Variants in AP2A2 observed in about 807,000 individuals in gnomAD.
AP2A2 encodes the protein adaptor related protein complex 2 subunit alpha 2, also known as AP-2 complex subunit alpha-2.
In AP2A2, 32 loss-of-function variants were observed where a neutral mutation model predicts 104.2. The observed-to-expected ratio is 0.31, with a 90% CI of 0.23 to 0.41. The LOEUF is 0.41. Ranked by LOEUF, AP2A2 falls within the 10% of genes least tolerant of loss-of-function variation. AP2A2 has a pLI of 1.00. For missense variants in AP2A2, 912 were observed against 1,261.0 expected (o/e 0.72, Z 4.19); for synonymous variants, 539 against 533.3 (o/e 1.01, Z -0.15).
At chr11:970,418 G>A (rs991544882) in intron 3 of AP2A2, 107 bp downstream of exon 3, 28 of 1,415,398 alleles carry the variant, frequency 2.0e-5, no homozygotes, top group African/African-American at 2.9e-5. Flanking sequence ...CACAGCTGAC[G>A]TGAGCCACGT....
At chr11:964,075 T>G (rs1854533065) in intron 2 of AP2A2, among the ~76,000 whole-genome samples, 1 of 152,196 alleles carries the variant, frequency 6.6e-6, no homozygotes, top group South Asian at 2.1e-4. Flanking sequence ...AGTCAAAGAC[T>G]GGAGACCCCC....
intron 1 of AP2A2, among the ~76,000 whole-genome samples, chr11:954,828 G>A (rs1261158240): frequency 6.6e-6 from 1 of 152,192 alleles, no homozygotes; most frequent in East Asian, 1.9e-4. Context: ...TCCCACAGAG[G>A]AGGGGGGTTA....
intron 1 of AP2A2, among the ~76,000 whole-genome samples, chr11:926,571 C>G (rs1853128139): frequency 6.6e-6 from 1 of 152,166 alleles, no homozygotes; most frequent in African/African-American, 2.4e-5. Flanking sequence ...AGCGTTTAAC[C>G]CAGCGTTTTC....
At chr11:1,004,347 C>T (rs1044786166) in intron 16 of AP2A2, among the ~76,000 whole-genome samples, 2 of 152,110 alleles carry the variant, frequency 1.3e-5, no homozygotes, top group African/African-American at 4.8e-5. Flanking sequence ...GTGGTGTGTG[C>T]CTGTGGTCCC....
At chr11:953,882 T>C (rs1346672454) in intron 1 of AP2A2, among the ~76,000 whole-genome samples, 2 of 151,228 alleles carry the variant, frequency 1.3e-5, no homozygotes, top group African/African-American at 2.4e-5. Flanking sequence ...TTGCCCAGGC[T>C]GTAGTGCAAT....
intron 1 of AP2A2, among the ~76,000 whole-genome samples, chr11:929,841 GC>G (rs1463685443): frequency 6.6e-6 from 1 of 152,050 alleles, no homozygotes; most frequent in East Asian, 1.9e-4. Flanking sequence ...CCTGGTGCCA[GC>G]CGGGTGCGGT....
At chr11:983,589 T>A (rs181854255) in intron 6 of AP2A2, among the ~76,000 whole-genome samples, 4 of 151,840 alleles carry the variant, frequency 2.6e-5, no homozygotes, top group African/African-American at 7.3e-5. Flanking sequence ...TTCACTGTGT[T>A]AGCCAGGATG....
intron 1 of AP2A2, among the ~76,000 whole-genome samples, chr11:927,773 C>T (rs1231017216): frequency 1.5e-5 from 2 of 136,582 alleles, no homozygotes; most frequent in Admixed American, 8.2e-5. Context: ...GAGCTGAGAT[C>T]GCGCCATACT....
rs1855041799 is a variant in AP2A2, at chr11:976,477, T to C, written c.474-618T>C. Among the ~76,000 whole-genome samples, 3 of 152,126 alleles carry C rather than the reference T, an allele frequency of 2.0e-5. No individual in the cohort carries two copies. In the South Asian group the frequency reaches 6.2e-4, roughly 32 times the overall value. On this transcript the variant is annotated intron_variant, in intron 4 of 21. Transcript: ENST00000448903. Reference sequence around the variant, plus strand: ...CGTCCACCCCAGGGTCCCTGTTGCCTTCCCAGCTGCTTAGCAGAATCTGGT... The same window carrying C: ...CGTCCACCCCAGGGTCCCTGTTGCCCTCCCAGCTGCTTAGCAGAATCTGGT...
chr11:967,411 G>T (rs1854655755), intron 2 of AP2A2, among the ~76,000 whole-genome samples: 1 of 151,952 alleles, frequency 6.6e-6, no homozygotes, highest in African/African-American at 2.4e-5. Flanking sequence ...ACCCAGGCTG[G>T]AGTGCAGTGG....
At chr11:944,544 C>A (rs569885819) in intron 1 of AP2A2, among the ~76,000 whole-genome samples, 18 of 151,864 alleles carry the variant, frequency 1.2e-4, no homozygotes, top group African/African-American at 3.1e-4. Flanking sequence ...GGATAGAGAT[C>A]GAAAATAAAC....
chr11:975,703 C>A (rs1304445341), intron 4 of AP2A2, among the ~76,000 whole-genome samples: 1 of 149,076 alleles, frequency 6.7e-6, no homozygotes, highest in South Asian at 2.1e-4. Flanking sequence ...CGGTCTCCCT[C>A]GTGTGAGCCG....
chr11:969,023 G>T (rs1482416014), intron 2 of AP2A2, among the ~76,000 whole-genome samples: 1 of 151,944 alleles, frequency 6.6e-6, no homozygotes, highest in Non-Finnish European at 1.5e-5. Context: ...CACAAGAAGG[G>T]GGCCAGAGCG....
At chr11:983,668 C>G (rs1294707319) in intron 6 of AP2A2, among the ~76,000 whole-genome samples, 1 of 152,016 alleles carries the variant, frequency 6.6e-6, no homozygotes, top group Non-Finnish European at 1.5e-5. Flanking sequence ...CAGGCGGGAG[C>G]CACCGCACCT....
Position 925,943 on chromosome 11 carries a change from C to T in AP2A2, c.-79C>T. 1 of 1,140,800 alleles carries T rather than the reference C, an allele frequency of 8.8e-7. No homozygotes were observed. Among genetic ancestry groups the T allele is most frequent in the South Asian group, 2.2e-5 (1 of 46,242 alleles). 70.7% of individuals were successfully genotyped at this position (1,140,800 alleles called of 1,614,324 possible). A position where few individuals can be genotyped will look rare whatever the true frequency, so the allele number is the denominator to read the frequency against. On this transcript the variant is annotated 5_prime_UTR_variant, in exon 1 of 22. Transcript: ENST00000448903. ...GGCGGCTCCTCCGCGGCGGTGACGGCGACCGCACTCCCCGCTTCCCGCTCC... is the reference window on the plus strand; with the variant it reads ...GGCGGCTCCTCCGCGGCGGTGACGGTGACCGCACTCCCCGCTTCCCGCTCC...
chr11:941,762 A>G lies in AP2A2; in HGVS notation c.67+15674A>G, dbSNP rs565264339. Among the ~76,000 whole-genome samples, 7 of 145,514 alleles carry G rather than the reference A, an allele frequency of 4.8e-5. No homozygotes were observed. The South Asian group carries it at 1.5e-3, about 32-fold the overall frequency. The stretch of plus-strand genomic sequence containing the variant: ...ACCACCACGCCCGGCTAATTTTTGT[A>G]TTTTTAGTAGACATGGGGTTTTGCC... On this transcript the variant is annotated intron_variant, in intron 1 of 21. Coordinates refer to ENST00000448903, the MANE Select transcript of AP2A2 (RefSeq NM_012305.4).
At chr11:1,005,882 C>T (rs1236537692) in intron 16 of AP2A2, among the ~76,000 whole-genome samples, 1 of 152,140 alleles carries the variant, frequency 6.6e-6, no homozygotes, top group Non-Finnish European at 1.5e-5. Context: ...TTACTGTTTT[C>T]AAAATATTTG....
intron 1 of AP2A2, chr11:948,443 T>G (rs1325143205): frequency 3.3e-5 from 5 of 152,222 alleles, no homozygotes; most frequent in Admixed American, 3.3e-4. Flanking sequence ...GCAACACATA[T>G]ACTAAAATTG....
At chr11:983,483 C>T (rs968174606) in intron 6 of AP2A2, among the ~76,000 whole-genome samples, 12 of 151,260 alleles carry the variant, frequency 7.9e-5, no homozygotes, top group Non-Finnish European at 1.3e-4. Context: ...CCTGGGTTCA[C>T]GCCATTCTCC....
Sources: gnomAD v4.1 joint callset for allele counts (sites outside exome capture counted in the v4.1 genomes callset) on GRCh38, gnomAD v4.1.1 for gene constraint, MANE v1.5 for transcripts, NCBI Gene and HGNC (gene_info 2026-07-23, HGNC 2026-07-21) for gene names.